Variants in PTPN2 observed in about 807,000 individuals in gnomAD.
PTPN2 encodes the protein protein tyrosine phosphatase non-receptor type 2.
In PTPN2, 19 loss-of-function variants were observed where a neutral mutation model predicts 57.3. The ratio of observed to expected loss-of-function variants is 0.33; its 90% CI spans 0.23 to 0.49. PTPN2 has a LOEUF of 0.49. PTPN2 is among the 20% of genes least tolerant of loss of function. PTPN2 has a pLI of 0.99. For synonymous variants in PTPN2, 153 were observed against 164.9 expected (o/e 0.93, Z 0.55); for missense variants, 358 against 501.1 (o/e 0.71, Z 2.73).
intron 2 of PTPN2, among the ~76,000 whole-genome samples, chr18:12,853,015 T>C (rs2043450035): frequency 6.6e-6 from 1 of 152,258 alleles, no homozygotes; most frequent in Non-Finnish European, 1.5e-5. Flanking sequence ...ACAATATCTG[T>C]AACATGCTTA....
intron 3 of PTPN2, among the ~76,000 whole-genome samples, chr18:12,833,386 G>C (rs2042736512): frequency 6.6e-6 from 1 of 152,178 alleles, no homozygotes; most frequent in Admixed American, 6.5e-5. Flanking sequence ...TTAAGAGCTT[G>C]CAAAGGTAGA....
chr18:12,800,147 A>G (rs924852631), intron 8 of PTPN2, among the ~76,000 whole-genome samples: 1 of 152,192 alleles, frequency 6.6e-6, no homozygotes, highest in African/African-American at 2.4e-5. Context: ...GTCTTCTGCA[A>G]TCACTCTATA....
chr18:12,806,924 A>C (rs8087463), intron 7 of PTPN2, among the ~76,000 whole-genome samples: 39,123 of 152,056 alleles, frequency 0.26, 5,447 homozygotes, highest in South Asian at 0.47. Flanking sequence ...AAAAGCAAAA[A>C]CAGACAAATG....
In PTPN2 at chr18:12,873,487, G is replaced by A. The variant is rs994370532; in HGVS notation, c.69+10586C>T. Among the ~76,000 whole-genome samples the A allele has an allele frequency of 9.8e-5, 15 of 152,336 alleles. No individual in the cohort carries two copies. The East Asian group carries it at 1.5e-3, about 16-fold the overall frequency. ...ATTTTTTTGGGGGAGACGGGGTTTC[G>A]CTGTGTTGGCCGGGCTGGCCTCCAG... On this transcript the variant is annotated intron_variant, in intron 1 of 8. Coordinates refer to ENST00000309660, the MANE Select transcript of PTPN2 (RefSeq NM_002828.4).
chr18:12,872,651 T>C (rs1394914550), intron 1 of PTPN2, among the ~76,000 whole-genome samples: 1 of 152,216 alleles, frequency 6.6e-6, no homozygotes, highest in Non-Finnish European at 1.5e-5. Context: ...CCTATGAACC[T>C]ACTAAAACCA....
At chr18:12,876,537 C>T (rs755667415) in intron 1 of PTPN2, among the ~76,000 whole-genome samples, 4 of 152,136 alleles carry the variant, frequency 2.6e-5, no homozygotes, top group Non-Finnish European at 5.9e-5. Context: ...AGGAGACAAA[C>T]GCAACTATCT....
chr18:12,832,964 T>C (rs532938126), intron 3 of PTPN2, among the ~76,000 whole-genome samples: 20 of 152,312 alleles, frequency 1.3e-4, no homozygotes, highest in Non-Finnish European at 2.8e-4. Flanking sequence ...GATTTTTGTA[T>C]TTTTAGTAGA....
At position 12,836,746 on chromosome 18, in the gene PTPN2, C is replaced by T. The variant is rs537141726; in HGVS notation, c.261+45G>A. The stretch of plus-strand genomic sequence containing the variant: ...CCTATGATTTAAAGCAGAACAAGCA[C>T]AAACACATCATTTTCAGACATTTGC... On this transcript the variant is annotated intron_variant, in intron 3 of 8. Coordinates refer to ENST00000309660, the MANE Select transcript of PTPN2 (RefSeq NM_002828.4). 103 of 1,251,242 alleles carry T rather than the reference C, an allele frequency of 8.2e-5. 2 individuals are homozygous for T. The South Asian group carries it at 1.2e-3, about 15-fold the overall frequency. 77.5% of individuals were successfully genotyped at this position (1,251,242 alleles called of 1,614,324 possible).
chr18:12,816,121 T>C (rs552644795), intron 6 of PTPN2, among the ~76,000 whole-genome samples: 11 of 152,234 alleles, frequency 7.2e-5, no homozygotes, highest in African/African-American at 9.6e-5. Flanking sequence ...CTGGCCAAGA[T>C]AGTGAGGCCT....
chr18:12,860,716 T>A (rs2043776183), intron 1 of PTPN2, among the ~76,000 whole-genome samples: 1 of 152,146 alleles, frequency 6.6e-6, no homozygotes, highest in African/African-American at 2.4e-5. Context: ...GAGCTGAGAT[T>A]GCGCCACTGC....
At chr18:12,878,115 T>C (rs9951402) in intron 1 of PTPN2, among the ~76,000 whole-genome samples, 71 of 152,124 alleles carry the variant, frequency 4.7e-4, no homozygotes, top group African/African-American at 1.5e-3. Flanking sequence ...GGTGGACAGA[T>C]TGCTTGAACT....
At chr18:12,800,119 C>T in intron 8 of PTPN2, among the ~76,000 whole-genome samples, 1 of 152,170 alleles carries the variant, frequency 6.6e-6, no homozygotes, top group Non-Finnish European at 1.5e-5. Context: ...TAAACACACA[C>T]ACAGACCCCA....
intron 1 of PTPN2, among the ~76,000 whole-genome samples, chr18:12,878,881 C>A (rs1006251957): frequency 6.6e-6 from 1 of 152,130 alleles, no homozygotes; most frequent in Non-Finnish European, 1.5e-5. Context: ...AATAAATAAG[C>A]CAAATTCCTT....
chr18:12,851,577 G>A (rs1394645073), intron 2 of PTPN2, among the ~76,000 whole-genome samples: 3 of 152,022 alleles, frequency 2.0e-5, no homozygotes, highest in Non-Finnish European at 4.4e-5. Context: ...CATGAACATG[G>A]ATTTGTCAAT....
chr18:12,848,912 A>G (rs2043300787), intron 2 of PTPN2, among the ~76,000 whole-genome samples: 1 of 152,220 alleles, frequency 6.6e-6, no homozygotes, highest in Non-Finnish European at 1.5e-5. Flanking sequence ...ACAGATTAAA[A>G]GACAGTTAAT....
In PTPN2 at chr18:12,794,481, G is replaced by C. The variant is rs1393218349; in HGVS notation, c.1045C>G (p.Leu349Val). Residue 349 changes from leucine (L) to valine (V), a missense_variant, in exon 9 of 9, where the codon CTA becomes GTA. Leu to Val is a conservative substitution (Grantham distance 32, BLOSUM62 1). Around this residue, in one of 4 missense-constraint regions of PTPN2, gnomAD observed 96 missense variants for 110.8 expected, o/e 0.87. Transcript: ENST00000309660. ...CTGTCCTCTCGAATACGTTTCCGTA[G>C]AGCACTATGAGGAAATAAAAACAAG... The part of the protein sequence containing the change: ...DTMEENSESA[L>V]RKRIREDRKA... The C allele has an allele frequency of 6.2e-7, 1 of 1,612,450 alleles. No individual in the cohort carries two copies. The highest frequency in any genetic ancestry group is 1.7e-5 in the Admixed American group (1 of 59,968).
intron 1 of PTPN2, among the ~76,000 whole-genome samples, chr18:12,865,582 G>A (rs1480897955): frequency 6.6e-6 from 1 of 151,938 alleles, no homozygotes; most frequent in African/African-American, 2.4e-5. Context: ...GCTGAGGTGG[G>A]CAGATTGCCT....
intron 2 of PTPN2, among the ~76,000 whole-genome samples, chr18:12,837,261 T>C (rs968568924): frequency 6.6e-6 from 1 of 152,196 alleles, no homozygotes; most frequent in South Asian, 2.1e-4. Flanking sequence ...AAACGATAAC[T>C]GGTCTCAAAT....
chr18:12,879,189 A>AG (rs1470033793), intron 1 of PTPN2, among the ~76,000 whole-genome samples: 11 of 152,330 alleles, frequency 7.2e-5, no homozygotes, highest in African/African-American at 2.6e-4. Context: ...CCTAGTCTGT[A>AG]GTGCAGTGGC....
Sources: allele counts gnomAD v4.1 joint callset (sites outside exome capture counted in the v4.1 genomes callset), GRCh38; gene constraint gnomAD v4.1.1; regional missense constraint gnomAD v4.1.1; transcripts MANE v1.5; gene names NCBI Gene and HGNC (gene_info 2026-07-23, HGNC 2026-07-21).